KNTC1: variants seen among roughly 807,000 people sequenced by gnomAD.
KNTC1 encodes kinetochore-associated protein 1.
Under a neutral mutation model 314.4 loss-of-function variants are expected in KNTC1, and 253 were observed. The observed-to-expected ratio is 0.80, with a 90% CI of 0.73 to 0.89. The LOEUF (loss-of-function observed/expected upper bound fraction) is 0.89. Ranked by LOEUF, KNTC1 falls within the 40% of genes least tolerant of loss-of-function variation. KNTC1 has a pLI of 0.00. For synonymous variants in KNTC1, 901 were observed against 901.4 expected, an observed-to-expected ratio of 1.00 and a Z score of 0.01; for missense variants, 2,475 against 2,572.9, an observed-to-expected ratio of 0.96 and a Z score of 0.82.
At chr12:122,580,058 C>A in intron 32 of KNTC1, 81 bp downstream of exon 32, 1 of 885,484 alleles carries the variant, frequency 1.1e-6, no homozygotes, top group Non-Finnish European at 1.8e-6. Context: ...AGACAACTCT[C>A]ACCGTACCCG....
intron 13 of KNTC1, 24 bp from the exon 14 acceptor site, chr12:122,551,295 A>G (rs1963179358): frequency 1.4e-6 from 2 of 1,436,978 alleles, no homozygotes; most frequent in South Asian, 1.2e-5. Context: ...TTGGAATTTT[A>G]ATCATGTTTT....
At position 122,549,853 on chromosome 12, in the gene KNTC1, G is replaced by A. The variant is rs140826574; in HGVS notation, c.1075G>A (p.Gly359Arg). 5.0e-4 allele frequency: 776 copies of A among 1,537,200 alleles called. 1 individual carries two copies. In the African/African-American group the frequency reaches 9.1e-3, roughly 18 times the overall value. The change falls in exon 13 of 64, where the codon GGA becomes AGA. Residue 359 changes from glycine to arginine, a missense_variant. Coordinates refer to ENST00000333479, the MANE Select transcript of KNTC1 (RefSeq NM_014708.6). Reference protein sequence around the residue: ...VSSVSSLVQTGISTDTIYLLE... With the variant: ...VSSVSSLVQTRISTDTIYLLE... ...TAGTGTTTCTTCTCTGGTCCAAACA[G>A]GAATTAGCACAGTAAGTTTATTTGC... is the stretch of plus-strand genomic sequence containing the variant.
intron 4 of KNTC1, among the ~76,000 whole-genome samples, 189 bp from the exon 5 acceptor site, chr12:122,539,487 G>A (rs1038889884): frequency 1.3e-5 from 2 of 152,150 alleles, no homozygotes; most frequent in African/African-American, 2.4e-5. Flanking sequence ...TCAAGGAATC[G>A]CAAGGGAGCA....
rs1183222086 is a variant in KNTC1, at chr12:122,566,780, G to A, written c.1605-1481G>A. ...CTGGTTTTTTTTTTTTTTTTTTTTT[G>A]AGGTGGGGTCTCACTCTGTCACCCA... On this transcript the variant is annotated intron_variant, in intron 20 of 63. Coordinates refer to ENST00000333479, the MANE Select transcript of KNTC1 (RefSeq NM_014708.6). Among the ~76,000 whole-genome samples, 3 of 20,336 alleles carry A rather than the reference G, an allele frequency of 1.5e-4. No individual in the cohort carries two copies. In the Admixed American group the frequency reaches 1.7e-3, roughly 12 times the overall value. The allele number at this position is 20,336 out of a possible 152,430, so 13.3% of individuals were successfully genotyped here. A position where few individuals can be genotyped will look rare whatever the true frequency, so the allele number is the denominator to read the frequency against.
Position 122,579,902 on chromosome 12 carries a change from T to C in KNTC1, c.2842-3T>C. On this transcript the variant is annotated splice_region_variant and splice_polypyrimidine_tract_variant and intron_variant, in intron 31 of 63. Transcript: ENST00000333479. ...TTATTTCGCTTTATTTATTTATTTT[T>C]AGGGCAAGGCCTGGAGAATGTCTGT... is the stretch of plus-strand genomic sequence containing the variant. 1 of 1,600,862 alleles carries C rather than the reference T, an allele frequency of 6.2e-7. No homozygotes were observed. Among genetic ancestry groups the C allele is most frequent in the Non-Finnish European group, 8.6e-7 (1 of 1,168,862 alleles).
At chr12:122,550,800 G>T in intron 13 of KNTC1, among the ~76,000 whole-genome samples, 1 of 152,112 alleles carries the variant, frequency 6.6e-6, no homozygotes. Flanking sequence ...ATTGCATCTG[G>T]TCCATTTTTT....
intron 11 of KNTC1, among the ~76,000 whole-genome samples, 189 bp downstream of exon 11, chr12:122,547,719 A>G (rs893423133): frequency 2.0e-5 from 3 of 152,258 alleles, no homozygotes; most frequent in African/African-American, 7.2e-5. Context: ...TCATTTTGTT[A>G]GAAACTGTCA....
Position 122,613,178 on chromosome 12 carries a change from G to A in KNTC1, c.5689G>A (p.Ala1897Thr). The A allele has an allele frequency of 6.2e-7, 1 of 1,613,202 alleles. No individual in the cohort carries two copies. The highest frequency in any genetic ancestry group is 8.5e-7 in the Non-Finnish European group (1 of 1,179,306). ...AGCTCTTCAGTGTCTCTTCTATTTG[G>A]CTGACAAGGAAACTATAGAATCTCT... ...TRALQCLFYLADKETIESLFK... is the reference protein window; with the variant it reads ...TRALQCLFYLTDKETIESLFK... Residue 1897 changes from alanine to threonine, a missense_variant, in exon 54 of 64, where the codon GCT becomes ACT. By Grantham distance (58) the Ala-to-Thr change is moderately conservative (BLOSUM62 0). Coordinates refer to ENST00000333479, the MANE Select transcript of KNTC1 (RefSeq NM_014708.6).
chr12:122,610,049 C>G (rs1174235614), intron 52 of KNTC1, among the ~76,000 whole-genome samples: 3 of 152,202 alleles, frequency 2.0e-5, no homozygotes, highest in African/African-American at 7.2e-5. Context: ...TATGTCCAGC[C>G]TCAGCCTTGG....
At chr12:122,535,147 GCT>G (rs1411503153) in intron 3 of KNTC1, among the ~76,000 whole-genome samples, 1 of 152,162 alleles carries the variant, frequency 6.6e-6, no homozygotes, top group Non-Finnish European at 1.5e-5. Flanking sequence ...AGAATTAATA[GCT>G]CTCTAAAAAT....
In KNTC1 at chr12:122,540,035, C is replaced by T. The variant is rs370923474; in HGVS notation, c.445+281C>T. ...CCTCAAGTGAGTGATCCACCTGCCT[C>T]GGCCTCCCAAAGTGCTGGGATTACA... On this transcript the variant is annotated intron_variant, in intron 5 of 63. Coordinates refer to ENST00000333479, the MANE Select transcript of KNTC1 (RefSeq NM_014708.6). Among the ~76,000 whole-genome samples the T allele has an allele frequency of 2.6e-5, 4 of 151,874 alleles. No individual in the cohort carries two copies. In the East Asian group the frequency reaches 5.8e-4, roughly 22 times the overall value.
intron 40 of KNTC1, among the ~76,000 whole-genome samples, chr12:122,589,776 A>ATTTTTTTTTTT (rs375169727): frequency 2.1e-5 from 2 of 94,594 alleles, no homozygotes; most frequent in African/African-American, 4.3e-5. Context: ...GGGCCCCCCA[A>ATTTTTTTTTTT]TTTTTTTTTT....
intron 6 of KNTC1, 145 bp downstream of exon 6, chr12:122,542,272 C>A: frequency 1.8e-6 from 1 of 571,138 alleles, no homozygotes; most frequent in Non-Finnish European, 2.9e-6. Context: ...GTTAAGTATT[C>A]AGAATACAGT....
chr12:122,588,399 T>C (rs1377480776), intron 39 of KNTC1, among the ~76,000 whole-genome samples: 1 of 152,216 alleles, frequency 6.6e-6, no homozygotes, highest in Non-Finnish European at 1.5e-5. Context: ...TCTGTTGATA[T>C]GTATTAAATG....
At chr12:122,618,194 A>G (rs1369950440) in intron 57 of KNTC1, 149 bp from the exon 58 acceptor site, 4 of 663,956 alleles carry the variant, frequency 6.0e-6, no homozygotes, top group Non-Finnish European at 1.0e-5. Flanking sequence ...CTGGTTTCGA[A>G]CTCCTGACCT....
At chr12:122,552,063 A>G (rs1963237163) in intron 16 of KNTC1, among the ~76,000 whole-genome samples, 1 of 152,026 alleles carries the variant, frequency 6.6e-6, no homozygotes, top group South Asian at 2.1e-4. Flanking sequence ...ATGCATCACC[A>G]TGCCCGGTTA....
intron 18 of KNTC1, among the ~76,000 whole-genome samples, chr12:122,561,564 G>A (rs112718067): frequency 0.076 from 11,499 of 151,694 alleles, 570 homozygotes; most frequent in Middle Eastern, 0.13. Flanking sequence ...AGGGATTCTC[G>A]TGCCTCAGGC....
chr12:122,546,122 G>C lies in KNTC1; in HGVS notation c.670-54G>C, dbSNP rs923218144. On this transcript the variant is annotated intron_variant, in intron 8 of 63. Transcript: ENST00000333479. ...ACTTACATGTTTCTACTTTGAGGAA[G>C]GCTCAGGTCTAAGAATGAAATTTGC... 3.0e-6 allele frequency: 3 copies of C among 1,003,710 alleles called. No homozygotes were observed. In the Admixed American group the frequency reaches 5.3e-5, roughly 18 times the overall value. 62.2% of individuals were successfully genotyped at this position (1,003,710 alleles called of 1,614,324 possible).
chr12:122,537,521 C>T (rs1198372427), intron 3 of KNTC1, among the ~76,000 whole-genome samples: 1 of 151,666 alleles, frequency 6.6e-6, no homozygotes, highest in Non-Finnish European at 1.5e-5. Context: ...TGGGTTCAAG[C>T]GATTCTCCTG....
Sources: allele counts gnomAD v4.1 joint callset (sites outside exome capture counted in the v4.1 genomes callset), GRCh38; gene constraint gnomAD v4.1.1; transcripts MANE v1.5; gene names NCBI Gene and HGNC (gene_info 2026-07-23, HGNC 2026-07-21).